Variants in VTI1A observed in about 807,000 individuals in gnomAD.
VTI1A encodes the protein vesicle transport through interaction with t-SNAREs homolog 1A.
Under a neutral mutation model 34.9 loss-of-function variants are expected in VTI1A, and 22 were observed. That is an observed-to-expected ratio of 0.63 (90% CI 0.45 to 0.90). The LOEUF is 0.90. Among genes scored for constraint, VTI1A ranks in the 40% least tolerant of loss-of-function variants. The probability of loss-of-function intolerance (pLI) is 0.00; values close to 1 mark genes in which losing one functional copy is unlikely to be tolerated. For synonymous variants in VTI1A, 87 were observed against 97.3 expected (o/e 0.89, Z 0.62); for missense variants, 268 against 275.6 (o/e 0.97, Z 0.20).
the VTI1A span, among the ~76,000 whole-genome samples, chr10:112,844,632 C>T: frequency 4.0e-4 from 61 of 152,330 alleles, no homozygotes; most frequent in African/African-American, 1.4e-3. Context: ...CTCCTGACCT[C>T]AGGTGATCCA....
chr10:112,706,991 T>C (rs1462201019), intron 7 of VTI1A, among the ~76,000 whole-genome samples: 1 of 152,222 alleles, frequency 6.6e-6, no homozygotes, highest in African/African-American at 2.4e-5. Flanking sequence ...GTGAGTTTAC[T>C]GAACTCCTTG....
chr10:112,474,210 C>T (rs1295678935), intron 3 of VTI1A, among the ~76,000 whole-genome samples: 3 of 151,920 alleles, frequency 2.0e-5, no homozygotes, highest in South Asian at 2.1e-4. Flanking sequence ...CACAGGTGCC[C>T]GCCACCACAC....
downstream of VTI1A, among the ~76,000 whole-genome samples, chr10:112,819,096 A>C (rs1030735531): frequency 6.6e-6 from 1 of 152,188 alleles, no homozygotes; most frequent in Non-Finnish European, 1.5e-5. Context: ...AGAGAAAAAT[A>C]ATTGTTCTTA....
intron 5 of VTI1A, among the ~76,000 whole-genome samples, chr10:112,602,121 C>T (rs896961733): frequency 1.3e-5 from 2 of 152,110 alleles, no homozygotes; most frequent in Non-Finnish European, 2.9e-5. Flanking sequence ...GTGAGCATTT[C>T]TAAAGTTAAC....
intron 5 of VTI1A, among the ~76,000 whole-genome samples, chr10:112,625,905 A>T (rs1321974466): frequency 6.6e-6 from 1 of 152,194 alleles, no homozygotes; most frequent in African/African-American, 2.4e-5. Flanking sequence ...AAAAACAAAG[A>T]CAGTACTAAA....
At chr10:112,589,428 CTGTAAGT>C (rs1844293244) in intron 5 of VTI1A, among the ~76,000 whole-genome samples, 2 of 121,852 alleles carry the variant, frequency 1.6e-5, no homozygotes, top group Non-Finnish European at 3.7e-5. Context: ...GATCGTGGAA[CTGTAAGT>C]TCCACCCAGC....
intron 3 of VTI1A, among the ~76,000 whole-genome samples, chr10:112,513,159 T>C (rs980462556): frequency 1.3e-5 from 2 of 152,040 alleles, no homozygotes; most frequent in African/African-American, 2.4e-5. Context: ...TTAATTCTTC[T>C]AGTCCGTGAA....
Position 112,669,009 on chromosome 10 carries a change from G to C in VTI1A, c.560+11G>C. 1 of 1,611,686 alleles carries C rather than the reference G, an allele frequency of 6.2e-7. No homozygotes were observed. The highest frequency in any genetic ancestry group is 8.5e-7 in the Non-Finnish European group (1 of 1,178,352). ...AGGGATGTTGCGAAGGTAAGAGCAA[G>C]GTAGGGACATATCTTTCTCTCTGTG... On this transcript the variant is annotated intron_variant, in intron 7 of 7. Coordinates refer to ENST00000393077, the MANE Select transcript of VTI1A (RefSeq NM_145206.4).
chr10:112,625,640 C>CAAAAAAAAGAAAAA (rs1845893220), intron 5 of VTI1A, among the ~76,000 whole-genome samples: 1 of 82,608 alleles, frequency 1.2e-5, no homozygotes, highest in Non-Finnish European at 2.1e-5. Flanking sequence ...AACTCTGTCT[C>CAAAAAAAAGAAAAA]AAAAAAAAAA....
chr10:112,718,100 G>A (rs1451437973), intron 7 of VTI1A, among the ~76,000 whole-genome samples: 1 of 152,206 alleles, frequency 6.6e-6, no homozygotes, highest in Non-Finnish European at 1.5e-5. Context: ...CATTTTATAA[G>A]GATGTATCCT....
intron 7 of VTI1A, among the ~76,000 whole-genome samples, chr10:112,800,970 C>G (rs1484750652): frequency 6.6e-6 from 1 of 152,132 alleles, no homozygotes; most frequent in African/African-American, 2.4e-5. Flanking sequence ...AGTTTGGCTC[C>G]AAAAATGAGG....
intron 7 of VTI1A, among the ~76,000 whole-genome samples, chr10:112,757,636 T>G (rs762343644): frequency 6.6e-6 from 1 of 152,138 alleles, no homozygotes; most frequent in Non-Finnish European, 1.5e-5. Context: ...TCTGCCCACC[T>G]CGTCCTGCCA....
At chr10:112,815,078 T>G (rs1853465234) in intron 7 of VTI1A, among the ~76,000 whole-genome samples, 1 of 151,846 alleles carries the variant, frequency 6.6e-6, no homozygotes, top group Admixed American at 6.6e-5. Flanking sequence ...ATGTGGAGCC[T>G]TTCGTTTCCT....
chr10:112,833,449 A>G, the VTI1A span, among the ~76,000 whole-genome samples: 1 of 151,822 alleles, frequency 6.6e-6, no homozygotes, highest in Non-Finnish European at 1.5e-5. Context: ...TGAATCGGAG[A>G]CTAGGGGTGT....
intron 7 of VTI1A, among the ~76,000 whole-genome samples, chr10:112,703,980 G>T (rs1222287289): frequency 1.3e-5 from 2 of 152,168 alleles, no homozygotes; most frequent in Admixed American, 1.3e-4. Context: ...TGTATTTTTT[G>T]ATATATGCAT....
At chr10:112,475,709 T>C (rs1848254516) in intron 3 of VTI1A, among the ~76,000 whole-genome samples, 1 of 152,194 alleles carries the variant, frequency 6.6e-6, no homozygotes, top group Non-Finnish European at 1.5e-5. Context: ...ACTTTGATCT[T>C]ACCTAGGAAA....
chr10:112,660,721 G>T (rs1383265539), intron 5 of VTI1A, among the ~76,000 whole-genome samples: 1 of 152,154 alleles, frequency 6.6e-6, no homozygotes, highest in Non-Finnish European at 1.5e-5. Context: ...GCCCCATGTG[G>T]CTAGTGGGTA....
intron 3 of VTI1A, among the ~76,000 whole-genome samples, chr10:112,469,699 G>A (rs1409597649): frequency 6.6e-6 from 1 of 152,040 alleles, no homozygotes; most frequent in African/African-American, 2.4e-5. Flanking sequence ...CTCTGCCCTG[G>A]GCAACCTCTA....
At chr10:112,540,380 A>G (rs567544381) in intron 5 of VTI1A, among the ~76,000 whole-genome samples, 8 of 152,254 alleles carry the variant, frequency 5.3e-5, no homozygotes, top group African/African-American at 1.7e-4. Context: ...ATATTATGGT[A>G]TTGAGTATGA....
Sources: allele counts gnomAD v4.1 joint callset (sites outside exome capture counted in the v4.1 genomes callset), GRCh38; gene constraint gnomAD v4.1.1; transcripts MANE v1.5; gene names NCBI Gene and HGNC (gene_info 2026-07-23, HGNC 2026-07-21).